Variants in SLC71A1 observed in about 807,000 individuals in gnomAD.
SLC71A1 encodes the protein hippocampus abundant gene transcript 1.
At chr1:100,078,371 G>A in the SLC71A1 span, 1 of 910,014 alleles carries the variant, frequency 1.1e-6, no homozygotes, top group Non-Finnish European at 1.7e-6. Flanking sequence ...TTCACAGTAA[G>A]AATTACTTAA....
chr1:100,041,990 G>A, the SLC71A1 span, among the ~76,000 whole-genome samples: 1 of 151,738 alleles, frequency 6.6e-6, no homozygotes, highest in Non-Finnish European at 1.5e-5. Context: ...AGGTATTTAA[G>A]ACAGCTGAAA....
At chr1:100,040,150 A>T in the SLC71A1 span, among the ~76,000 whole-genome samples, 15,952 of 152,154 alleles carry the variant, frequency 0.1, 1,350 homozygotes, top group African/African-American at 0.23. Flanking sequence ...TCCTTTAGAA[A>T]AGGGGCTTTG....
chr1:100,064,034 G>A, the SLC71A1 span, among the ~76,000 whole-genome samples: 1 of 152,078 alleles, frequency 6.6e-6, no homozygotes, highest in African/African-American at 2.4e-5. Flanking sequence ...CTGAGATCTG[G>A]GTCCCTCTGA....
the SLC71A1 span, among the ~76,000 whole-genome samples, chr1:100,038,582 G>A: frequency 6.6e-6 from 1 of 152,124 alleles, no homozygotes; most frequent in African/African-American, 2.4e-5. Flanking sequence ...CAGGCCCTGC[G>A]GCCTCGAACC....
At chr1:100,060,907 G>A in the SLC71A1 span, among the ~76,000 whole-genome samples, 3 of 152,130 alleles carry the variant, frequency 2.0e-5, no homozygotes, top group South Asian at 2.1e-4. Flanking sequence ...TCTACATCAC[G>A]GATGGGCTTT....
chr1:100,040,451 A>G, the SLC71A1 span, among the ~76,000 whole-genome samples: 2 of 152,106 alleles, frequency 1.3e-5, no homozygotes, highest in South Asian at 4.1e-4. Flanking sequence ...GACTACTATT[A>G]TGAACTTTTT....
At chr1:100,039,782 T>C in the SLC71A1 span, among the ~76,000 whole-genome samples, 1 of 152,260 alleles carries the variant, frequency 6.6e-6, no homozygotes, top group Non-Finnish European at 1.5e-5. Context: ...TTAAGATCAG[T>C]ATTTTTTACA....
At chr1:100,053,264 T>G in the SLC71A1 span, among the ~76,000 whole-genome samples, 1 of 152,176 alleles carries the variant, frequency 6.6e-6, no homozygotes, top group African/African-American at 2.4e-5. Context: ...TGGGCCCCAG[T>G]ACTCCTCCCA....
the SLC71A1 span, among the ~76,000 whole-genome samples, chr1:100,054,510 C>T: frequency 1.3e-5 from 2 of 151,978 alleles, no homozygotes; most frequent in Non-Finnish European, 2.9e-5. Context: ...TGTTCCTGGC[C>T]GGCTTTACCC....
chr1:100,081,569 T>G, the SLC71A1 span, among the ~76,000 whole-genome samples: 5 of 152,216 alleles, frequency 3.3e-5, no homozygotes, highest in African/African-American at 1.2e-4. Flanking sequence ...AGAGACGAGG[T>G]TTCACCATGT....
chr1:100,062,948 A>G, the SLC71A1 span, among the ~76,000 whole-genome samples: 2 of 151,128 alleles, frequency 1.3e-5, no homozygotes, highest in Admixed American at 1.3e-4. Flanking sequence ...GAAAAGAAAA[A>G]GAACTAATGA....
the SLC71A1 span, among the ~76,000 whole-genome samples, chr1:100,039,434 G>A: frequency 6.6e-6 from 1 of 152,142 alleles, no homozygotes; most frequent in Non-Finnish European, 1.5e-5. Context: ...ACACGGCCCA[G>A]TCAATATGCC....
the SLC71A1 span, chr1:100,082,873 T>G: frequency 6.6e-6 from 1 of 152,598 alleles, no homozygotes; most frequent in African/African-American, 2.4e-5. Context: ...GCCTGTAATC[T>G]AAATGCTGGC....
chr1:100,038,344 T>C, the SLC71A1 span: 2 of 1,545,764 alleles, frequency 1.3e-6, no homozygotes, highest in Non-Finnish European at 1.8e-6. Context: ...CCGGCGAGCG[T>C]CCCTCGGGGC....
At chr1:100,069,983 A>G in the SLC71A1 span, among the ~76,000 whole-genome samples, 2 of 152,222 alleles carry the variant, frequency 1.3e-5, no homozygotes, top group Non-Finnish European at 2.9e-5. Context: ...CACTCATTCA[A>G]CAAATATTTA....
chr1:100,042,975 GC>G, the SLC71A1 span: 1 of 380,082 alleles, frequency 2.6e-6, no homozygotes, highest in African/African-American at 2.2e-5. Flanking sequence ...TGTGTGGCTG[GC>G]AGCATCATTA....
chr1:100,059,156 T>TG, the SLC71A1 span, among the ~76,000 whole-genome samples: 1 of 132,168 alleles, frequency 7.6e-6, no homozygotes, highest in African/African-American at 3.1e-5. Context: ...TTTTTTTTTT[T>TG]TTTTTTTTTT....
chr1:100,053,829 A>G, the SLC71A1 span, among the ~76,000 whole-genome samples: 1 of 152,210 alleles, frequency 6.6e-6, no homozygotes, highest in African/African-American at 2.4e-5. Context: ...TTAGCTAAAA[A>G]GAAGGATTTT....
chr1:100,082,499 T>G, the SLC71A1 span: 3 of 351,820 alleles, frequency 8.5e-6, no homozygotes, highest in Non-Finnish European at 1.1e-5. Context: ...TGTAACTTCT[T>G]AGATATTAGC....
Sources: allele counts gnomAD v4.1 joint callset (sites outside exome capture counted in the v4.1 genomes callset), GRCh38; gene constraint gnomAD v4.1.1; transcripts MANE v1.5; gene names NCBI Gene and HGNC (gene_info 2026-07-23, HGNC 2026-07-21).